CENPP: variants seen among roughly 807,000 people sequenced by gnomAD.
CENPP encodes centromere protein P.
A neutral mutation model predicts 35.6 loss-of-function variants in CENPP; 24 were observed. The observed-to-expected ratio is 0.67, with a 90% confidence interval of 0.49 to 0.95. The LOEUF (loss-of-function observed/expected upper bound fraction) is 0.95. Ranked by LOEUF, CENPP falls within the 40% of genes least tolerant of loss-of-function variation. CENPP has a pLI of 0.00. For missense variants in CENPP, 332 were observed against 345.3 expected (o/e 0.96, Z 0.31); for synonymous variants, 120 against 125.5 (o/e 0.96, Z 0.29).
intron 5 of CENPP, among the ~76,000 whole-genome samples, chr9:92,533,835 T>G (rs558688562): frequency 6.6e-6 from 1 of 152,294 alleles, no homozygotes; most frequent in South Asian, 2.1e-4. Context: ...GTCCATTATT[T>G]CTTATATTTA....
At chr9:92,336,447 A>C (rs1392461085) in intron 2 of CENPP, among the ~76,000 whole-genome samples, 1 of 152,062 alleles carries the variant, frequency 6.6e-6, no homozygotes, top group Non-Finnish European at 1.5e-5. Context: ...GGTTTTCCTC[A>C]TTTGCTGGCT....
chr9:92,325,707 A>T (rs1840429816), upstream of CENPP: 1 of 364,918 alleles, frequency 2.7e-6, no homozygotes, highest in Non-Finnish European at 5.1e-6. Context: ...TAGGGTGAGC[A>T]GCGGAGCGCT....
At chr9:92,500,463 G>A (rs867989380) in intron 5 of CENPP, among the ~76,000 whole-genome samples, 3 of 151,136 alleles carry the variant, frequency 2.0e-5, no homozygotes, top group South Asian at 2.1e-4. Flanking sequence ...AATTACAGGC[G>A]TGAGCCACTG....
chr9:92,388,348 G>A (rs1397071871), intron 5 of CENPP, among the ~76,000 whole-genome samples: 2 of 151,842 alleles, frequency 1.3e-5, no homozygotes, highest in African/African-American at 4.8e-5. Context: ...TTTTAGTGGA[G>A]ACAGAGTTTC....
chr9:92,439,944 T>C (rs562975707), intron 5 of CENPP, among the ~76,000 whole-genome samples: 32 of 152,334 alleles, frequency 2.1e-4, no homozygotes, highest in Admixed American at 2.0e-3. Context: ...GGCCTCCCCT[T>C]ATCCACAGTT....
intron 3 of CENPP, among the ~76,000 whole-genome samples, chr9:92,338,833 G>C (rs556794013): frequency 6.6e-6 from 1 of 152,118 alleles, no homozygotes; most frequent in African/African-American, 2.4e-5. Flanking sequence ...GGATGATCTT[G>C]TACCTCGTAT....
At chr9:92,440,071 G>A (rs138585066) in intron 5 of CENPP, among the ~76,000 whole-genome samples, 6 of 152,174 alleles carry the variant, frequency 3.9e-5, no homozygotes, top group Non-Finnish European at 7.4e-5. Flanking sequence ...GTAGCCTGAC[G>A]AAGTCCTGTG....
intron 5 of CENPP, among the ~76,000 whole-genome samples, chr9:92,594,055 C>T (rs1420976970): frequency 1.3e-5 from 2 of 152,184 alleles, no homozygotes; most frequent in Admixed American, 6.5e-5. Context: ...AAACATCCCA[C>T]ACTAATGGAA....
chr9:92,445,285 C>T (rs1010600020), intron 5 of CENPP, among the ~76,000 whole-genome samples: 8 of 152,116 alleles, frequency 5.3e-5, no homozygotes, highest in East Asian at 3.9e-4. Flanking sequence ...CAATGAGTCC[C>T]GGTGCGTGGT....
intron 4 of CENPP, among the ~76,000 whole-genome samples, chr9:92,350,711 T>C (rs1212948094): frequency 6.6e-6 from 1 of 152,238 alleles, no homozygotes; most frequent in Non-Finnish European, 1.5e-5. Flanking sequence ...TTAAATAATT[T>C]TTAAAATAGT....
intron 5 of CENPP, among the ~76,000 whole-genome samples, chr9:92,436,322 A>G (rs1844245193): frequency 6.6e-6 from 1 of 152,216 alleles, no homozygotes; most frequent in African/African-American, 2.4e-5. Flanking sequence ...TAGGATATGT[A>G]GTTTGCAAAG....
intron 5 of CENPP, among the ~76,000 whole-genome samples, chr9:92,511,299 G>A (rs1350138173): frequency 2.6e-5 from 4 of 151,938 alleles, no homozygotes; most frequent in Non-Finnish European, 5.9e-5. Context: ...CTAATTTTTT[G>A]TATTTTTAGT....
chr9:92,326,199 C>T (rs1840491472), intron 1 of CENPP, 94 bp downstream of exon 1: 1 of 812,762 alleles, frequency 1.2e-6, no homozygotes, highest in Non-Finnish European at 1.9e-6. Context: ...CTCCTACTCC[C>T]AGCCCTAGAA....
At chr9:92,340,691 A>G (rs957719416) in intron 3 of CENPP, among the ~76,000 whole-genome samples, 1 of 152,096 alleles carries the variant, frequency 6.6e-6, no homozygotes, top group Non-Finnish European at 1.5e-5. Flanking sequence ...ATGGACCCTT[A>G]TCACTTCCCC....
At chr9:92,364,958 A>G (rs554548218) in intron 4 of CENPP, among the ~76,000 whole-genome samples, 2 of 152,340 alleles carry the variant, frequency 1.3e-5, no homozygotes, top group African/African-American at 4.8e-5. Context: ...CCACTTGAAA[A>G]TATAAGACCT....
At chr9:92,482,295 G>A (rs1845939898) in intron 5 of CENPP, 1 of 152,246 alleles carries the variant, frequency 6.6e-6, no homozygotes, top group East Asian at 1.9e-4. Context: ...AAACATACCT[G>A]TCAGAAGAGA....
At chr9:92,442,644 A>G (rs1844442268) in intron 5 of CENPP, among the ~76,000 whole-genome samples, 2 of 151,958 alleles carry the variant, frequency 1.3e-5, no homozygotes, top group Non-Finnish European at 2.9e-5. Flanking sequence ...GGTCAGATCA[A>G]GACCATCCTG....
intron 5 of CENPP, among the ~76,000 whole-genome samples, chr9:92,467,606 T>C (rs1045266727): frequency 1.4e-4 from 22 of 152,214 alleles, no homozygotes; most frequent in African/African-American, 5.3e-4. Flanking sequence ...TGTTCTCAAA[T>C]TCATTTCACA....
Position 92,348,889 on chromosome 9 carries a change from CAA to C in CENPP, c.467+3106_467+3107del, listed in dbSNP as rs375182551. ...ATAATCTGGATTGCATAGGTTGTGA[CAA>C]AAAGACTGCGATGATTGTTATCTTT... On this transcript the variant is annotated intron_variant, in intron 4 of 7. Coordinates refer to ENST00000375587, the MANE Select transcript of CENPP (RefSeq NM_001012267.3). 2.7e-3 allele frequency among the ~76,000 whole-genome samples: 417 copies of C among 152,246 alleles called. 2 individuals are homozygous for C. The highest frequency in any genetic ancestry group is 9.3e-3 in the African/African-American group (387 of 41,542).
Sources: gnomAD v4.1 joint callset for allele counts (sites outside exome capture counted in the v4.1 genomes callset) on GRCh38, gnomAD v4.1.1 for gene constraint, MANE v1.5 for transcripts, NCBI Gene and HGNC (gene_info 2026-07-23, HGNC 2026-07-21) for gene names.